STRN: variants seen among roughly 807,000 people sequenced by gnomAD.
STRN encodes the protein protein phosphatase 2 regulatory subunit B'''alpha.
Under a neutral mutation model 96.3 loss-of-function variants are expected in STRN, and 53 were observed. The observed-to-expected ratio is 0.55, with a 90% CI of 0.44 to 0.69. STRN has a LOEUF of 0.69. STRN is among the 30% of genes least tolerant of loss of function. The pLI is 0.00. For missense variants in STRN, 987 were observed against 963.9 expected (o/e 1.02, Z -0.32); for synonymous variants, 428 against 355.9 (o/e 1.20, Z -2.28).
At chr2:36,937,322 C>T (rs1222738401) in intron 1 of STRN, among the ~76,000 whole-genome samples, 4 of 121,544 alleles carry the variant, frequency 3.3e-5, no homozygotes, top group African/African-American at 6.5e-5. Context: ...CCAGCCTAGG[C>T]AACAAGAGTG....
chr2:36,903,549 C>T (rs1243680849), intron 4 of STRN, among the ~76,000 whole-genome samples: 1 of 152,074 alleles, frequency 6.6e-6, no homozygotes, highest in African/African-American at 2.4e-5. Context: ...AAGGTAAATG[C>T]CATTAATAAA....
chr2:36,959,092 G>C lies in STRN; in HGVS notation c.234+7138C>G, dbSNP rs183572500. 6.9e-3 allele frequency among the ~76,000 whole-genome samples: 1,056 copies of C among 152,204 alleles called. 16 individuals are homozygous for C. The highest frequency in any genetic ancestry group is 0.024 in the African/African-American group (1,015 of 41,512). On this transcript the variant is annotated intron_variant, in intron 1 of 17. Transcript: ENST00000263918. ...GATTGTGCCACTGCACTCCAGCCTG[G>C]GCGACACAGCTAGACTCCATCTCAA...
chr2:36,964,771 G>T (rs977139996), intron 1 of STRN, among the ~76,000 whole-genome samples: 1 of 152,144 alleles, frequency 6.6e-6, no homozygotes, highest in African/African-American at 2.4e-5. Flanking sequence ...CACAGCAGTT[G>T]CCACTATAAG....
chr2:36,838,212 C>T lies in STRN; in HGVS notation c.*11244G>A, dbSNP rs1346723273. On this transcript the variant is annotated 3_prime_UTR_variant, in exon 18 of 18. Coordinates refer to ENST00000263918, the MANE Select transcript of STRN (RefSeq NM_003162.4). Reference sequence around the variant, plus strand: ...ACCACGTGCAAGGACCACGGAGCAACCTCTAAAGGATCAGATTTGACAGTC... The same window carrying T: ...ACCACGTGCAAGGACCACGGAGCAATCTCTAAAGGATCAGATTTGACAGTC... Among the ~76,000 whole-genome samples the T allele has an allele frequency of 6.6e-6, 1 of 152,206 alleles. No individual in the cohort carries two copies. Among genetic ancestry groups the T allele is most frequent in the Non-Finnish European group, 1.5e-5 (1 of 68,034 alleles).
intron 1 of STRN, among the ~76,000 whole-genome samples, chr2:36,928,143 C>A (rs963915002): frequency 6.6e-6 from 1 of 151,474 alleles, no homozygotes. Context: ...TAAAAAAAAA[C>A]GAATTCCTTC....
chr2:36,875,302 C>A (rs1668874529), intron 10 of STRN, among the ~76,000 whole-genome samples: 1 of 151,858 alleles, frequency 6.6e-6, no homozygotes, highest in Non-Finnish European at 1.5e-5. Flanking sequence ...TTGAGCCCAG[C>A]AGTTCAAGAC....
At chr2:36,902,785 C>A in intron 4 of STRN, 34 bp from the exon 5 acceptor site, 1 of 1,526,184 alleles carries the variant, frequency 6.6e-7, no homozygotes, top group Non-Finnish European at 8.9e-7. Context: ...TTCAGTCATA[C>A]TGGAATCAGT....
Position 36,838,129 on chromosome 2 carries a change from T to TA in STRN, c.*11326dup, listed in dbSNP as rs1667862722. 1.3e-5 allele frequency among the ~76,000 whole-genome samples: 2 copies of TA among 152,162 alleles called. No individual in the cohort carries two copies. The highest frequency in any genetic ancestry group is 4.8e-5 in the African/African-American group (2 of 41,434). The stretch of plus-strand genomic sequence containing the variant: ...AGCAGTTTTCTCTGGCTGGTAGAAG[T>TA]AGAGTCAAAGTATAAAAATAATTTG... On this transcript the variant is annotated 3_prime_UTR_variant, in exon 18 of 18. Coordinates refer to ENST00000263918, the MANE Select transcript of STRN (RefSeq NM_003162.4).
rs1161444693 is a variant in STRN at position 36,840,694 on chromosome 2, T to C, written c.*8762A>G. 2 of 152,138 alleles carry C rather than the reference T, an allele frequency of 1.3e-5. No individual in the cohort carries two copies. The highest frequency in any genetic ancestry group is 2.4e-5 in the African/African-American group (1 of 41,420). The allele number at this position is 152,138 out of a possible 1,614,324, so 9.4% of individuals were successfully genotyped here. ...AGGAACATAAGAAAAACGAACATGG[T>C]CTGTGCCTTAGGGAGCTTATATAGA... On this transcript the variant is annotated 3_prime_UTR_variant, in exon 18 of 18. Coordinates refer to ENST00000263918, the MANE Select transcript of STRN (RefSeq NM_003162.4).
chr2:36,869,557 T>G lies in STRN; in HGVS notation c.1496A>C (p.Lys499Thr). The G allele has an allele frequency of 6.5e-7, 1 of 1,535,374 alleles. No individual in the cohort carries two copies. Among genetic ancestry groups the G allele is most frequent in the Non-Finnish European group, 8.8e-7 (1 of 1,138,530 alleles). Residue 499 changes from lysine (K) to threonine (T), a missense_variant, in exon 11 of 18, where the codon AAA becomes ACA. Lys to Thr is a moderately conservative substitution (Grantham distance 78). Transcript: ENST00000263918. ...TGTTAAAGTAGAATATTCTCACTTT[T>G]TGGCTGGGGCTGTTTTCTGTAAATT... ...MWNLQKTAPA[K>T]KSTSLDVEPI... is the part of the protein sequence containing the mutation.
intron 1 of STRN, among the ~76,000 whole-genome samples, chr2:36,935,989 T>G (rs1670691515): frequency 6.6e-6 from 1 of 151,984 alleles, no homozygotes; most frequent in Non-Finnish European, 1.5e-5. Flanking sequence ...GGTATTAACA[T>G]GTAAATAATA....
chr2:36,957,742 G>GTTTTTTTTTTTTTTTTTTTTTTTTTTT (rs1158709835), intron 1 of STRN, among the ~76,000 whole-genome samples: 2 of 103,132 alleles, frequency 1.9e-5, no homozygotes, highest in Admixed American at 1.1e-4. Flanking sequence ...TCTTCTTTTT[G>GTTTTTTTTTTTTTTTTTTTTTTTTTTT]TCTTTTTTTT....
At chr2:36,849,827 T>C (rs1668175754) in intron 16 of STRN, 27 bp from the exon 17 acceptor site, 4 of 1,603,198 alleles carry the variant, frequency 2.5e-6, no homozygotes, top group Non-Finnish European at 3.4e-6. Flanking sequence ...TGTTACTCCT[T>C]ATTAATGCCT....
intron 9 of STRN, among the ~76,000 whole-genome samples, chr2:36,878,397 G>C (rs543713625): frequency 2.0e-5 from 3 of 152,072 alleles, no homozygotes; most frequent in African/African-American, 7.2e-5. Flanking sequence ...ACAAGTGCTG[G>C]TCTCATTCAA....
At chr2:36,915,000 A>T (rs1238892222) in intron 3 of STRN, among the ~76,000 whole-genome samples, 1 of 151,724 alleles carries the variant, frequency 6.6e-6, no homozygotes, top group African/African-American at 2.4e-5. Flanking sequence ...GATCGAGACC[A>T]TCCTGGCTAA....
At chr2:36,899,728 T>A in intron 5 of STRN, 70 bp from the exon 6 acceptor site, 1 of 1,370,948 alleles carries the variant, frequency 7.3e-7, no homozygotes, top group South Asian at 1.5e-5. Context: ...ACCCATGATA[T>A]GTTACATCAA....
intron 12 of STRN, among the ~76,000 whole-genome samples, chr2:36,865,461 T>A (rs974560994): frequency 1.1e-4 from 16 of 152,178 alleles, no homozygotes; most frequent in African/African-American, 3.4e-4. Flanking sequence ...TTTTTGTGTG[T>A]CTCAATTTCA....
intron 5 of STRN, 114 bp downstream of exon 5, chr2:36,902,470 A>T: frequency 5.9e-6 from 2 of 337,502 alleles, no homozygotes; most frequent in Non-Finnish European, 8.4e-6. Context: ...AATTTTTATT[A>T]AGTTATAAAT....
rs571093603 is a variant in STRN, at chr2:36,883,122, TA to T, written c.1186+809del. Among the ~76,000 whole-genome samples, 9 of 152,272 alleles carry T rather than the reference TA, an allele frequency of 5.9e-5. No homozygotes were observed. The South Asian group carries it at 1.7e-3, about 28-fold the overall frequency. On this transcript the variant is annotated intron_variant, in intron 9 of 17. Coordinates refer to ENST00000263918, the MANE Select transcript of STRN (RefSeq NM_003162.4). ...ATTATACATGATGTAGAATAATGCATATTTTTATATAGGTATATTCTATACC... is the reference window on the plus strand; with the variant it reads ...ATTATACATGATGTAGAATAATGCATTTTTTATATAGGTATATTCTATACC...
Sources: allele counts gnomAD v4.1 joint callset (sites outside exome capture counted in the v4.1 genomes callset), GRCh38; gene constraint gnomAD v4.1.1; transcripts MANE v1.5; gene names NCBI Gene and HGNC (gene_info 2026-07-23, HGNC 2026-07-21).